MECOM: variants seen among roughly 807,000 people sequenced by gnomAD.
MECOM encodes MDS1 and EVI1 complex locus.
A neutral mutation model predicts 116.3 loss-of-function variants in MECOM; 13 were observed. That is an observed-to-expected ratio of 0.11 (90% CI 0.07 to 0.18). The LOEUF (loss-of-function observed/expected upper bound fraction) is 0.18, where lower values mean the gene tolerates loss of function less well. Ranked by LOEUF, MECOM falls within the 10% of genes least tolerant of loss-of-function variation. MECOM has a pLI of 1.00. For synonymous variants in MECOM, 528 were observed against 535.2 expected, an observed-to-expected ratio of 0.99 and a Z score of 0.19; for missense variants, 1,299 against 1,509.0, an observed-to-expected ratio of 0.86 and a Z score of 2.31.
chr3:169,604,052 T>C (rs1325574212), intron 1 of MECOM, among the ~76,000 whole-genome samples: 1 of 152,162 alleles, frequency 6.6e-6, no homozygotes, highest in Non-Finnish European at 1.5e-5. Context: ...ATTGCCTTTT[T>C]CTCTAAGCGA....
rs182277256 is a variant in MECOM, at chr3:169,421,467, T to C, written c.38-39943A>G. Among the ~76,000 whole-genome samples the C allele has an allele frequency of 8.1e-4, 123 of 152,240 alleles. 1 individual carries two copies. The highest frequency in any genetic ancestry group is 2.7e-3 in the African/African-American group (113 of 41,568). Reference sequence around the variant, plus strand: ...CCTTTGCCTGTTGGTCAGTGGACCATTGGCAGTAGATCTAATTCTTGCCAG... The same window carrying C: ...CCTTTGCCTGTTGGTCAGTGGACCACTGGCAGTAGATCTAATTCTTGCCAG... On this transcript the variant is annotated intron_variant, in intron 1 of 16. Transcript: ENST00000651503.
Position 169,404,196 on chromosome 3 carries a change from C to T in MECOM, c.38-22672G>A, listed in dbSNP as rs370538662. Among the ~76,000 whole-genome samples, 85 of 151,892 alleles carry T rather than the reference C, an allele frequency of 5.6e-4. 1 individual carries two copies. Among genetic ancestry groups the T allele is most frequent in the African/African-American group, 1.8e-3 (74 of 41,392 alleles). On this transcript the variant is annotated intron_variant, in intron 1 of 16. Coordinates refer to ENST00000651503, the MANE Select transcript of MECOM (RefSeq NM_004991.4). ...AAATAGCTAAGAGCCAAATTTCTTCCTAGATTAAAAAAAATAGTTTGAAAA... is the reference window on the plus strand; with the variant it reads ...AAATAGCTAAGAGCCAAATTTCTTCTTAGATTAAAAAAAATAGTTTGAAAA...
chr3:169,355,329 CT>C, intron 2 of MECOM, among the ~76,000 whole-genome samples: 1 of 151,912 alleles, frequency 6.6e-6, no homozygotes, highest in African/African-American at 2.4e-5. Flanking sequence ...TGTTAATGTC[CT>C]TGGTGACAAT....
intron 2 of MECOM, among the ~76,000 whole-genome samples, chr3:169,364,589 A>G (rs932908543): frequency 3.7e-4 from 56 of 151,990 alleles, no homozygotes; most frequent in Non-Finnish European, 1.3e-4. Flanking sequence ...TTCTATATTA[A>G]TAAGGCAGTG....
chr3:169,499,603 T>C (rs1385301915), intron 1 of MECOM, among the ~76,000 whole-genome samples: 5 of 128,994 alleles, frequency 3.9e-5, no homozygotes, highest in African/African-American at 1.7e-4. Context: ...CTAAACAATT[T>C]ACTTCGACCA....
intron 1 of MECOM, among the ~76,000 whole-genome samples, chr3:169,542,992 C>T (rs933900552): frequency 2.0e-5 from 3 of 152,112 alleles, no homozygotes; most frequent in Non-Finnish European, 4.4e-5. Flanking sequence ...CTCTATTTTC[C>T]GAAAGTCAAC....
chr3:169,499,884 G>A (rs1212109651), intron 1 of MECOM, among the ~76,000 whole-genome samples: 1 of 151,980 alleles, frequency 6.6e-6, no homozygotes, highest in Non-Finnish European at 1.5e-5. Flanking sequence ...GTAACCAATA[G>A]AGGAAAAGCA....
At chr3:169,571,524 G>A (rs146859519) in intron 1 of MECOM, among the ~76,000 whole-genome samples, 16 of 152,166 alleles carry the variant, frequency 1.1e-4, no homozygotes, top group African/African-American at 2.9e-4. Flanking sequence ...AATAGAGCCC[G>A]TACAGCCAAG....
At chr3:169,235,685 T>C (rs1316157226) in intron 2 of MECOM, among the ~76,000 whole-genome samples, 2 of 152,156 alleles carry the variant, frequency 1.3e-5, no homozygotes, top group Non-Finnish European at 2.9e-5. Flanking sequence ...ACTTCCCTGT[T>C]TCTCTGTTAC....
At chr3:169,418,102 T>A in intron 1 of MECOM, among the ~76,000 whole-genome samples, 1 of 124,322 alleles carries the variant, frequency 8.0e-6, no homozygotes, top group African/African-American at 3.1e-5. Flanking sequence ...AAACTTAAAG[T>A]ATAATAATAA....
rs749320872 is a variant in MECOM at position 169,092,916 on chromosome 3, T to C, written c.3164+42A>G. 1 of 1,611,480 alleles carries C rather than the reference T, an allele frequency of 6.2e-7. No individual in the cohort carries two copies. Among genetic ancestry groups the C allele is most frequent in the Non-Finnish European group, 8.5e-7 (1 of 1,178,380 alleles). The stretch of plus-strand genomic sequence containing the variant: ...GCAAGTATATTTTAAAACATGTTCA[T>C]TTCAGTCGTCACAGAGTTTAAAAAG... On this transcript the variant is annotated intron_variant, in intron 14 of 16. Transcript: ENST00000651503.
intron 2 of MECOM, among the ~76,000 whole-genome samples, chr3:169,186,049 T>C (rs1190438244): frequency 6.6e-6 from 1 of 152,166 alleles, no homozygotes; most frequent in African/African-American, 2.4e-5. Context: ...TGACTCCCTC[T>C]GGACTTGGTT....
At chr3:169,627,354 G>A (rs190463685) in intron 1 of MECOM, among the ~76,000 whole-genome samples, 8 of 152,260 alleles carry the variant, frequency 5.3e-5, no homozygotes, top group Non-Finnish European at 1.2e-4. Context: ...TATACTTCTC[G>A]CTATTCACAT....
intron 1 of MECOM, among the ~76,000 whole-genome samples, chr3:169,494,803 T>C (rs550539605): frequency 6.6e-6 from 1 of 152,332 alleles, no homozygotes; most frequent in African/African-American, 2.4e-5. Context: ...AGTCACTGCC[T>C]TCATGAGAAG....
intron 2 of MECOM, among the ~76,000 whole-genome samples, chr3:169,172,729 A>G (rs1386980055): frequency 1.3e-5 from 2 of 152,206 alleles, no homozygotes; most frequent in Non-Finnish European, 2.9e-5. Flanking sequence ...CTAACATGGT[A>G]TCATGAACCC....
intron 2 of MECOM, among the ~76,000 whole-genome samples, chr3:169,267,646 T>C (rs950174252): frequency 1.3e-5 from 2 of 152,138 alleles, no homozygotes; most frequent in African/African-American, 4.8e-5. Context: ...GAAGTAATGC[T>C]ACATTTGACT....
At position 169,527,293 on chromosome 3, in the gene MECOM, C is replaced by A. The variant is rs79296763; in HGVS notation, c.37+136043G>T. On this transcript the variant is annotated intron_variant, in intron 1 of 16. Transcript: ENST00000651503. ...AAAGAAAGAAATCTAACTCAACAAC[C>A]TTGAAAAGTTAATTCGGAAACTTTC... 2.2e-3 allele frequency among the ~76,000 whole-genome samples: 339 copies of A among 152,304 alleles called. 2 individuals carry two copies. The highest frequency in any genetic ancestry group is 7.8e-3 in the African/African-American group (323 of 41,576).
intron 1 of MECOM, among the ~76,000 whole-genome samples, chr3:169,570,159 C>A (rs1216069994): frequency 2.0e-5 from 3 of 152,116 alleles, no homozygotes; most frequent in East Asian, 3.8e-4. Flanking sequence ...GGGATATTAT[C>A]ATCACTGATC....
chr3:169,521,499 C>T (rs967563583), intron 1 of MECOM, among the ~76,000 whole-genome samples: 4 of 152,156 alleles, frequency 2.6e-5, no homozygotes, highest in African/African-American at 9.7e-5. Context: ...TTTAAAGTTC[C>T]ATTTCATGTG....
Sources: allele counts gnomAD v4.1 joint callset (sites outside exome capture counted in the v4.1 genomes callset), GRCh38; gene constraint gnomAD v4.1.1; transcripts MANE v1.5; gene names NCBI Gene and HGNC (gene_info 2026-07-23, HGNC 2026-07-21).